Variants in PHLDB2 observed in about 807,000 individuals in gnomAD.
PHLDB2 encodes pleckstrin homology like domain family B member 2, also known as pleckstrin homology-like domain family B member 2.
A neutral mutation model predicts 123.6 loss-of-function variants in PHLDB2; 71 were observed. The observed-to-expected ratio is 0.57, with a 90% CI of 0.47 to 0.70. The LOEUF (loss-of-function observed/expected upper bound fraction) is 0.70. PHLDB2 is among the 30% of genes least tolerant of loss of function. The pLI is 0.00. For missense variants in PHLDB2, 1,446 were observed against 1,519.5 expected (o/e 0.95, Z 0.80); for synonymous variants, 547 against 541.6 (o/e 1.01, Z -0.14).
chr3:111,972,281 TA>T (rs1463786359), intron 16 of PHLDB2, among the ~76,000 whole-genome samples: 13 of 152,128 alleles, frequency 8.5e-5, no homozygotes, highest in African/African-American at 2.9e-4. Context: ...TGGTATCAGT[TA>T]AAACAGTGTT....
chr3:111,903,535 A>G (rs2067321389), intron 2 of PHLDB2, among the ~76,000 whole-genome samples: 1 of 152,126 alleles, frequency 6.6e-6, no homozygotes, highest in South Asian at 2.1e-4. Flanking sequence ...TTTCAGGGAG[A>G]CATTTGGCTG....
intron 2 of PHLDB2, among the ~76,000 whole-genome samples, chr3:111,896,337 C>CT (rs1293719644): frequency 8.3e-6 from 1 of 120,768 alleles, no homozygotes; most frequent in African/African-American, 3.0e-5. Context: ...ATTGTGCTGG[C>CT]TAATTCTTTT....
At chr3:111,803,395 CCA>C (rs1438685676) in intron 1 of PHLDB2, among the ~76,000 whole-genome samples, 1 of 152,186 alleles carries the variant, frequency 6.6e-6, no homozygotes, top group Non-Finnish European at 1.5e-5. Flanking sequence ...CCTGTAAACT[CCA>C]GTCCAGTTGA....
At chr3:111,767,655 A>T (rs969496336) in intron 1 of PHLDB2, among the ~76,000 whole-genome samples, 2 of 152,206 alleles carry the variant, frequency 1.3e-5, no homozygotes, top group Non-Finnish European at 2.9e-5. Context: ...TTAAAACTGT[A>T]CCTGGCATAT....
At chr3:111,732,536 A>C (rs13085147) in exon 1 of PHLDB2, 72,617 of 1,268,506 alleles carry the variant, frequency 0.057, 2,415 homozygotes, top group Non-Finnish European at 0.067. Flanking sequence ...CAGGAAAGGA[A>C]ATGGAAAGGA....
intron 1 of PHLDB2, among the ~76,000 whole-genome samples, chr3:111,770,314 A>T (rs894025745): frequency 6.6e-6 from 1 of 152,190 alleles, no homozygotes; most frequent in Non-Finnish European, 1.5e-5. Flanking sequence ...AAGAAAGCTC[A>T]TTATTTTTTT....
chr3:111,805,730 T>C (rs2108295835), intron 1 of PHLDB2, among the ~76,000 whole-genome samples: 1 of 148,222 alleles, frequency 6.7e-6, no homozygotes, highest in South Asian at 2.2e-4. Flanking sequence ...AGCAGGTCAG[T>C]GGTGCCTGGG....
At chr3:111,868,890 T>C (rs1576944654) in intron 1 of PHLDB2, among the ~76,000 whole-genome samples, 1 of 152,352 alleles carries the variant, frequency 6.6e-6, no homozygotes, top group East Asian at 1.9e-4. Flanking sequence ...GCTAAATTAC[T>C]TGCAGAGTCT....
intron 1 of PHLDB2, among the ~76,000 whole-genome samples, chr3:111,829,324 G>A (rs2062817610): frequency 6.7e-6 from 1 of 149,142 alleles, no homozygotes; most frequent in Admixed American, 6.7e-5. Context: ...CCAATGGATT[G>A]TTTCTCCTCC....
rs150874293 is a variant in PHLDB2 at position 111,949,090 on chromosome 3, C to T, written c.2631+15C>T. On this transcript the variant is annotated intron_variant, in intron 10 of 17. Coordinates refer to ENST00000431670, the MANE Select transcript of PHLDB2 (RefSeq NM_001134438.2). Reference sequence around the variant, plus strand: ...AGAGTAAAGAGGTGTGTAGGCATGACGTTTCATTCATTCACTGCTTTTCTT... The same window carrying T: ...AGAGTAAAGAGGTGTGTAGGCATGATGTTTCATTCATTCACTGCTTTTCTT... 0.013 allele frequency: 20,488 copies of T among 1,612,222 alleles called. 179 individuals are homozygous for T. The highest frequency in any genetic ancestry group is 0.038 in the Middle Eastern group (227 of 6,010).
rs138620349 is a variant in PHLDB2, at chr3:111,793,960, G to A, written c.-48-51861G>A. Among the ~76,000 whole-genome samples the A allele has an allele frequency of 2.8e-3, 426 of 151,386 alleles. 3 individuals are homozygous for A. Among genetic ancestry groups the A allele is most frequent in the African/African-American group, 9.5e-3 (390 of 41,234 alleles). On this transcript the variant is annotated intron_variant, in intron 1 of 17. Coordinates refer to the PHLDB2 transcript ENST00000393923. Reference sequence around the variant, plus strand: ...AAGAAAGGAATCAGAGCTGAGAGCCGTGCTGCCTGGAGTTGGGGGAGGGGT... The same window carrying A: ...AAGAAAGGAATCAGAGCTGAGAGCCATGCTGCCTGGAGTTGGGGGAGGGGT...
rs71131979 is a variant in PHLDB2 at position 111,829,405 on chromosome 3, T to TAAA, written c.-48-16403_-48-16401dup. 6.6e-4 allele frequency among the ~76,000 whole-genome samples: 90 copies of TAAA among 136,450 alleles called. No individual in the cohort carries two copies. In the East Asian group the frequency reaches 8.3e-3, roughly 13 times the overall value. 89.5% of individuals were successfully genotyped at this position (136,450 alleles called of 152,430 possible). ...CTGGTTCTTCCATTATTCTTTTGTT[T>TAAA]AAAAAAAAAAAAAAAGTCCTAACAT... On this transcript the variant is annotated intron_variant, in intron 1 of 17. Transcript: ENST00000393923.
chr3:111,883,586 C>T lies in PHLDB2; in HGVS notation c.-14-478C>T, dbSNP rs1045661149. 2.6e-5 allele frequency among the ~76,000 whole-genome samples: 4 copies of T among 152,160 alleles called. No homozygotes were observed. The South Asian group carries it at 6.2e-4, about 24-fold the overall frequency. On this transcript the variant is annotated intron_variant, in intron 1 of 17. Transcript: ENST00000431670. ...CCTCATGTTATTGATCAGTGTCTAACGTAAACTTTTTTTTCTCTGCCCAAA... is the reference window on the plus strand; with the variant it reads ...CCTCATGTTATTGATCAGTGTCTAATGTAAACTTTTTTTTCTCTGCCCAAA...
chr3:111,942,098 T>A (rs192428878), intron 8 of PHLDB2, among the ~76,000 whole-genome samples: 4 of 152,328 alleles, frequency 2.6e-5, no homozygotes, highest in Non-Finnish European at 5.9e-5. Flanking sequence ...ATGTAGTATT[T>A]AATATTTAAA....
chr3:111,928,389 T>G (rs1030615691), intron 5 of PHLDB2, among the ~76,000 whole-genome samples: 1 of 152,194 alleles, frequency 6.6e-6, no homozygotes, highest in Non-Finnish European at 1.5e-5. Context: ...AGTCAATGGG[T>G]CTCAACCTGG....
Position 111,948,936 on chromosome 3 carries a change from A to G in PHLDB2, c.2492A>G (p.Tyr831Cys), listed in dbSNP as rs2070512544. 3 of 1,613,750 alleles carry G rather than the reference A, an allele frequency of 1.9e-6. No homozygotes were observed. Among genetic ancestry groups the G allele is most frequent in the Admixed American group, 1.7e-5 (1 of 60,000 alleles). Residue 831 changes from tyrosine (Y) to cysteine (C), a missense_variant, in exon 10 of 18, where the codon TAT becomes TGT. Transcript: ENST00000431670. The part of the protein sequence containing the change: ...PVNPNTLKEG[Y>C]ISVNEINEPC... Reference sequence around the variant, plus strand: ...CTTCTGAATTCCTCCTTTTAGGGCTATATCAGTGTAAATGAGATTAATGAG... The same window carrying G: ...CTTCTGAATTCCTCCTTTTAGGGCTGTATCAGTGTAAATGAGATTAATGAG...
intron 1 of PHLDB2, among the ~76,000 whole-genome samples, chr3:111,864,984 A>C (rs1408095654): frequency 6.6e-6 from 1 of 152,234 alleles, no homozygotes; most frequent in African/African-American, 2.4e-5. Flanking sequence ...ATAGCAAAAA[A>C]GTTAAAGATT....
At chr3:111,937,355 C>G (rs948116940) in intron 6 of PHLDB2, among the ~76,000 whole-genome samples, 2 of 152,180 alleles carry the variant, frequency 1.3e-5, no homozygotes, top group Non-Finnish European at 2.9e-5. Flanking sequence ...ATCCAACTCT[C>G]TTTGATGATT....
At chr3:111,735,652 G>GTA (rs1405444744) in intron 1 of PHLDB2, among the ~76,000 whole-genome samples, 2 of 152,204 alleles carry the variant, frequency 1.3e-5, no homozygotes, top group African/African-American at 2.4e-5. Flanking sequence ...TGCATGAACT[G>GTA]TACTTACATG....
Sources: allele counts gnomAD v4.1 joint callset (sites outside exome capture counted in the v4.1 genomes callset), GRCh38; gene constraint gnomAD v4.1.1; transcripts MANE v1.5; gene names NCBI Gene and HGNC (gene_info 2026-07-23, HGNC 2026-07-21).